Variants in EGFLAM observed in about 807,000 individuals in gnomAD.
EGFLAM encodes the protein EGF like, fibronectin type III and laminin G domains.
EGFLAM carries 79 observed loss-of-function variants against 113.1 expected under a neutral mutation model. That is an observed-to-expected ratio of 0.70 (90% confidence interval 0.58 to 0.84). The LOEUF (loss-of-function observed/expected upper bound fraction) is 0.84, where lower values mean the gene tolerates loss of function less well. Among genes scored for constraint, EGFLAM ranks in the 40% least tolerant of loss-of-function variants. EGFLAM has a pLI of 0.00. For synonymous variants in EGFLAM, 504 were observed against 487.6 expected, an observed-to-expected ratio of 1.03 and a Z score of -0.44; for missense variants, 1,265 against 1,291.6, an observed-to-expected ratio of 0.98 and a Z score of 0.32.
At chr5:38,462,568 G>A (rs1346224789) in intron 20 of EGFLAM, 2 of 239,356 alleles carry the variant, frequency 8.4e-6, no homozygotes, top group Non-Finnish European at 1.7e-5. Context: ...AATCTCCTCT[G>A]AGCAGCTTTT....
At chr5:38,351,651 G>T (rs912545240) in intron 4 of EGFLAM, among the ~76,000 whole-genome samples, 1 of 152,080 alleles carries the variant, frequency 6.6e-6, no homozygotes, top group African/African-American at 2.4e-5. Flanking sequence ...TGAAGTGATG[G>T]GATCATGGGT....
chr5:38,382,104 T>G (rs2451009), intron 6 of EGFLAM, among the ~76,000 whole-genome samples: 1 of 152,160 alleles, frequency 6.6e-6, no homozygotes, highest in African/African-American at 2.4e-5. Context: ...ATAATGCTTA[T>G]TGTTAGTGAA....
intron 21 of EGFLAM, 119 bp from the exon 22 acceptor site, chr5:38,463,713 C>T (rs1743366372): frequency 2.4e-6 from 3 of 1,250,538 alleles, no homozygotes; most frequent in Non-Finnish European, 3.4e-6. Flanking sequence ...CTCACATGTC[C>T]CATGAATCAA....
At chr5:38,418,335 A>C in intron 12 of EGFLAM, 80 bp downstream of exon 12, 2 of 1,517,260 alleles carry the variant, frequency 1.3e-6, no homozygotes, top group South Asian at 2.6e-5. Context: ...TGGGCCATGG[A>C]GGGAGCAGCA....
chr5:38,340,451 T>C (rs186952097), intron 3 of EGFLAM, among the ~76,000 whole-genome samples: 86 of 152,338 alleles, frequency 5.6e-4, no homozygotes, highest in African/African-American at 1.3e-3. Flanking sequence ...CATTTGATCA[T>C]CTTGCCAATT....
At chr5:38,432,933 C>T (rs942040755) in intron 15 of EGFLAM, among the ~76,000 whole-genome samples, 5 of 152,086 alleles carry the variant, frequency 3.3e-5, no homozygotes, top group East Asian at 1.9e-4. Flanking sequence ...TTACCTCTGG[C>T]GACATGTGGG....
At chr5:38,272,351 C>T (rs2561141) in intron 1 of EGFLAM, among the ~76,000 whole-genome samples, 92,921 of 152,062 alleles carry the variant, frequency 0.61, 29,279 homozygotes, top group African/African-American at 0.75. Flanking sequence ...AGTCCAGTGT[C>T]CAACAATCCT....
intron 12 of EGFLAM, among the ~76,000 whole-genome samples, chr5:38,420,368 C>A (rs1249710559): frequency 1.3e-5 from 2 of 152,206 alleles, no homozygotes; most frequent in East Asian, 3.9e-4. Flanking sequence ...TATGGTAGGA[C>A]AATGTCTCCA....
At chr5:38,337,856 C>T (rs544148347) in intron 2 of EGFLAM, among the ~76,000 whole-genome samples, 1 of 152,272 alleles carries the variant, frequency 6.6e-6, no homozygotes, top group Non-Finnish European at 1.5e-5. Flanking sequence ...TTCCTCTGTT[C>T]AGCTGTGGGA....
chr5:38,456,925 C>T (rs1052854305), intron 19 of EGFLAM, among the ~76,000 whole-genome samples: 20 of 152,116 alleles, frequency 1.3e-4, no homozygotes, highest in African/African-American at 2.7e-4. Flanking sequence ...GCCCAGTGCC[C>T]GGGCTAGAGT....
chr5:38,437,653 C>T (rs1742391893), intron 16 of EGFLAM, among the ~76,000 whole-genome samples: 1 of 152,116 alleles, frequency 6.6e-6, no homozygotes, highest in Admixed American at 6.5e-5. Flanking sequence ...AAGAGCCCGC[C>T]AGGTGGTTCT....
chr5:38,463,418 A>G (rs548740955), intron 21 of EGFLAM, among the ~76,000 whole-genome samples: 1 of 152,338 alleles, frequency 6.6e-6, no homozygotes, highest in South Asian at 2.1e-4. Context: ...ATTTTTATCT[A>G]TATGATATTT....
intron 5 of EGFLAM, among the ~76,000 whole-genome samples, chr5:38,357,100 T>TA (rs1451033148): frequency 2.0e-5 from 3 of 152,068 alleles, no homozygotes; most frequent in Non-Finnish European, 4.4e-5. Context: ...CTGGGCAACA[T>TA]AAAAAAATTA....
chr5:38,269,755 CT>C (rs1757723825), intron 1 of EGFLAM, among the ~76,000 whole-genome samples: 2 of 152,164 alleles, frequency 1.3e-5, no homozygotes, highest in Non-Finnish European at 2.9e-5. Flanking sequence ...TCCCAAAGTG[CT>C]GGGATTACAG....
chr5:38,437,875 G>A (rs1306169197), intron 16 of EGFLAM, among the ~76,000 whole-genome samples: 1 of 152,118 alleles, frequency 6.6e-6, no homozygotes, highest in Non-Finnish European at 1.5e-5. Flanking sequence ...TGTAATCCCA[G>A]CACTTTGGGA....
rs529733612 is a variant in EGFLAM at position 38,410,064 on chromosome 5, G to A, written c.1349+960G>A. Among the ~76,000 whole-genome samples the A allele has an allele frequency of 7.2e-5, 11 of 152,290 alleles. No individual in the cohort carries two copies. In the South Asian group the frequency reaches 2.3e-3, roughly 32 times the overall value. On this transcript the variant is annotated intron_variant, in intron 10 of 21. Transcript: ENST00000322350. The stretch of plus-strand genomic sequence containing the variant: ...TCTCCAAGCCTGCCTTTCCTCATGG[G>A]GCTGTTGTGAGGGTTAAATGAGTTA...
intron 6 of EGFLAM, among the ~76,000 whole-genome samples, chr5:38,400,228 A>C (rs1442924525): frequency 1.3e-5 from 2 of 152,226 alleles, no homozygotes; most frequent in African/African-American, 4.8e-5. Context: ...TATAGCTGAG[A>C]AACTCATTAT....
chr5:38,344,391 C>G, intron 3 of EGFLAM, among the ~76,000 whole-genome samples: 1 of 150,700 alleles, frequency 6.6e-6, no homozygotes, highest in African/African-American at 2.4e-5. Flanking sequence ...GAGGCTGAGG[C>G]AAGAGAATCA....
chr5:38,335,952 G>A (rs1739170859), intron 1 of EGFLAM, among the ~76,000 whole-genome samples: 2 of 152,148 alleles, frequency 1.3e-5, no homozygotes, highest in African/African-American at 4.8e-5. Context: ...GTTGCAGAAT[G>A]TTCATTCACT....
Sources: gnomAD v4.1 joint callset for allele counts (sites outside exome capture counted in the v4.1 genomes callset) on GRCh38, gnomAD v4.1.1 for gene constraint, MANE v1.5 for transcripts, NCBI Gene and HGNC (gene_info 2026-07-23, HGNC 2026-07-21) for gene names.